Variants in CCDC171 observed in about 807,000 individuals in gnomAD.
CCDC171 encodes coiled-coil domain containing 171, also known as coiled-coil domain-containing protein 171.
In CCDC171, 177 loss-of-function variants were observed where a neutral mutation model predicts 168.2. The ratio of observed to expected loss-of-function variants is 1.05; its 90% CI spans 0.93 to 1.19. The LOEUF is 1.19. Ranked by LOEUF, CCDC171 falls within the 50% of genes most tolerant of loss-of-function variation. CCDC171 has a pLI of 0.00. For missense variants in CCDC171, 1,991 were observed against 1,539.0 expected (o/e 1.29, Z -4.91); for synonymous variants, 687 against 540.8 (o/e 1.27, Z -3.75).
rs139789070 is a variant in CCDC171 at position 16,026,150 on chromosome 9, C to T, written n.998+3242C>T. On this transcript the variant is annotated intron_variant and non_coding_transcript_variant, in intron 6 of 9. Coordinates refer to the CCDC171 transcript ENST00000486641. Reference sequence around the variant, plus strand: ...GGGTCAGAGGAGTGGGTGTCGTAACCCATCTCACCCCTCACAGAGGAACCT... The same window carrying T: ...GGGTCAGAGGAGTGGGTGTCGTAACTCATCTCACCCCTCACAGAGGAACCT... Among the ~76,000 whole-genome samples the T allele has an allele frequency of 7.2e-5, 11 of 152,148 alleles. 1 individual carries two copies. The highest frequency in any genetic ancestry group is 2.7e-4 in the African/African-American group (11 of 41,508).
chr9:15,599,487 C>T (rs536775774), intron 6 of CCDC171, among the ~76,000 whole-genome samples: 4 of 152,222 alleles, frequency 2.6e-5, no homozygotes, highest in South Asian at 2.1e-4. Flanking sequence ...CCCACTCTCT[C>T]CTGGCTTGTA....
rs747180666 is a variant in CCDC171 at position 15,578,910 on chromosome 9, T to C, written c.239T>C (p.Leu80Ser). ...TCCGAGGTTGAAAAGGGAGAAGCATTGCGACAAAGTCTGGAATATGACCTA... is the reference window on the plus strand; with the variant it reads ...TCCGAGGTTGAAAAGGGAGAAGCATCGCGACAAAGTCTGGAATATGACCTA... ...LRSEVEKGEA[L>S]RQSLEYDLAV... The change falls in exon 4 of 26, where the codon TTG becomes TCG. Residue 80 changes from leucine to serine, a missense_variant. By Grantham distance (145) the Leu-to-Ser change is moderately radical. Transcript: ENST00000380701. The C allele has an allele frequency of 6.2e-7, 1 of 1,613,860 alleles. No individual in the cohort carries two copies. Among genetic ancestry groups the C allele is most frequent in the South Asian group, 1.1e-5 (1 of 91,054 alleles).
intron 3 of CCDC171, among the ~76,000 whole-genome samples, chr9:16,017,779 C>T (rs1833063440): frequency 6.6e-6 from 1 of 152,262 alleles, no homozygotes; most frequent in East Asian, 1.9e-4. Flanking sequence ...TAGAATTCAC[C>T]TAGCTTACAA....
chr9:16,004,557 A>G (rs1037151199), intron 3 of CCDC171, among the ~76,000 whole-genome samples: 2 of 152,078 alleles, frequency 1.3e-5, no homozygotes, highest in Non-Finnish European at 2.9e-5. Flanking sequence ...TTAACTGTGA[A>G]TGCCCTTGGT....
intron 20 of CCDC171, among the ~76,000 whole-genome samples, chr9:15,783,865 C>T (rs1044087947): frequency 1.3e-5 from 2 of 152,134 alleles, no homozygotes; most frequent in African/African-American, 4.8e-5. Flanking sequence ...ATATTGAACA[C>T]TCACTGAGTG....
intron 11 of CCDC171, among the ~76,000 whole-genome samples, chr9:15,713,001 G>C (rs760822392): frequency 8.5e-5 from 13 of 152,230 alleles, no homozygotes; most frequent in Non-Finnish European, 1.9e-4. Context: ...GTGCCCATTT[G>C]AAGAAGTCTG....
At chr9:15,751,461 A>C (rs774147143) in intron 18 of CCDC171, among the ~76,000 whole-genome samples, 2 of 152,206 alleles carry the variant, frequency 1.3e-5, no homozygotes, top group Non-Finnish European at 2.9e-5. Context: ...GAGCCCGCAT[A>C]GCCAAGACAA....
chr9:15,638,068 T>G (rs2046335249), intron 7 of CCDC171, among the ~76,000 whole-genome samples: 1 of 152,208 alleles, frequency 6.6e-6, no homozygotes, highest in African/African-American at 2.4e-5. Context: ...ATATTTTTAC[T>G]TTATGTTTTT....
intron 3 of CCDC171, among the ~76,000 whole-genome samples, chr9:15,981,008 G>A (rs1831777863): frequency 6.6e-6 from 1 of 152,048 alleles, no homozygotes; most frequent in Non-Finnish European, 1.5e-5. Context: ...AGCAGGCAAA[G>A]AGAGAGAGCT....
chr9:15,988,654 G>A (rs928115727), intron 3 of CCDC171, among the ~76,000 whole-genome samples: 9 of 152,228 alleles, frequency 5.9e-5, no homozygotes, highest in Non-Finnish European at 1.2e-4. Flanking sequence ...GGAAGCACAA[G>A]GGCTCAGGGA....
intron 7 of CCDC171, among the ~76,000 whole-genome samples, chr9:15,641,759 A>G (rs905057503): frequency 1.3e-5 from 2 of 152,214 alleles, no homozygotes; most frequent in African/African-American, 4.8e-5. Flanking sequence ...AGGTAGAGTA[A>G]CACCTACTAT....
intron 23 of CCDC171, among the ~76,000 whole-genome samples, chr9:15,849,829 A>G (rs993279835): frequency 3.3e-5 from 5 of 151,908 alleles, no homozygotes; most frequent in Non-Finnish European, 2.9e-5. Context: ...TGAAGGGCAT[A>G]TTAAATAAAA....
chr9:16,087,636 T>C, the CCDC171 span, among the ~76,000 whole-genome samples: 1 of 151,096 alleles, frequency 6.6e-6, no homozygotes, highest in Non-Finnish European at 1.5e-5. Context: ...CCAATGTGTA[T>C]GTCTTTGCAT....
intron 23 of CCDC171, among the ~76,000 whole-genome samples, chr9:15,852,479 A>C (rs1281182553): frequency 1.3e-5 from 2 of 151,710 alleles, no homozygotes; most frequent in African/African-American, 4.8e-5. Context: ...TCTGGATACT[A>C]GAATCTTATT....
At chr9:16,010,994 A>G (rs929807255) in intron 3 of CCDC171, among the ~76,000 whole-genome samples, 4 of 152,100 alleles carry the variant, frequency 2.6e-5, no homozygotes, top group African/African-American at 9.7e-5. Flanking sequence ...ACCCTGATTT[A>G]TTCAGTTAAA....
intron 1 of CCDC171, among the ~76,000 whole-genome samples, chr9:15,560,275 G>T (rs545614895): frequency 6.6e-6 from 1 of 152,252 alleles, no homozygotes; most frequent in Admixed American, 6.5e-5. Flanking sequence ...ATGTTGGCCT[G>T]CCTCACTAGG....
chr9:15,590,508 T>G (rs78810034), intron 4 of CCDC171, among the ~76,000 whole-genome samples: 526 of 152,126 alleles, frequency 3.5e-3, no homozygotes, highest in African/African-American at 0.011. Context: ...AGAGCAGCAG[T>G]GTTAGTGTGT....
In CCDC171 at chr9:15,744,705, A is replaced by T; in HGVS notation, c.2482A>T (p.Met828Leu). ...GQSCASLFTW[M>L]ESFKEGIGML... is the part of the protein sequence containing the mutation. ...ATCATGTGCCTCTCTTTTTACCTGG[A>T]TGGAGAGTTTCAAAGAAGGCATAGG... Residue 828 changes from methionine to leucine, a missense_variant, in exon 17 of 26, where the codon ATG becomes TTG. Transcript: ENST00000380701. 6.2e-7 allele frequency: 1 copy of T among 1,614,116 alleles called. No homozygotes were observed. Among genetic ancestry groups the T allele is most frequent in the Non-Finnish European group, 8.5e-7 (1 of 1,180,002 alleles).
chr9:15,996,681 A>G (rs1161959080), intron 3 of CCDC171, among the ~76,000 whole-genome samples: 2 of 152,112 alleles, frequency 1.3e-5, no homozygotes, highest in Non-Finnish European at 2.9e-5. Context: ...TCATTTATCT[A>G]TGGACATGTA....
Sources: allele counts gnomAD v4.1 joint callset (sites outside exome capture counted in the v4.1 genomes callset), GRCh38; gene constraint gnomAD v4.1.1; transcripts MANE v1.5; gene names NCBI Gene and HGNC (gene_info 2026-07-23, HGNC 2026-07-21).